The following IQCM variants were observed in gnomAD, a reference collection of about 807,000 sequenced individuals.
IQCM encodes the protein IQ motif containing M.
A neutral mutation model predicts 57.6 loss-of-function variants in IQCM; 45 were observed. The observed-to-expected ratio is 0.78, with a 90% CI of 0.62 to 1.00. The LOEUF (loss-of-function observed/expected upper bound fraction) is 1.00, where lower values mean the gene tolerates loss of function less well. Ranked by LOEUF, IQCM falls within the 50% of genes least tolerant of loss-of-function variation. The pLI is 0.00. For missense variants in IQCM, 468 were observed against 511.6 expected, an observed-to-expected ratio of 0.91 and a Z score of 0.82; for synonymous variants, 148 against 158.9, an observed-to-expected ratio of 0.93 and a Z score of 0.51.
At chr4:149,546,016 T>A (rs1312066196) in intron 12 of IQCM, among the ~76,000 whole-genome samples, 1 of 152,230 alleles carries the variant, frequency 6.6e-6, no homozygotes, top group Non-Finnish European at 1.5e-5. Context: ...CCCCACCCTG[T>A]GTCCAAGTGT....
chr4:149,771,056 T>A (rs1770527443), intron 2 of IQCM, among the ~76,000 whole-genome samples: 1 of 152,070 alleles, frequency 6.6e-6, no homozygotes, highest in Non-Finnish European at 1.5e-5. Flanking sequence ...TCCATCTCTT[T>A]ATATGTCCTA....
At chr4:149,357,163 T>G (rs1046571380) in intron 13 of IQCM, among the ~76,000 whole-genome samples, 1 of 152,190 alleles carries the variant, frequency 6.6e-6, no homozygotes, top group Non-Finnish European at 1.5e-5. Flanking sequence ...AATGGGGTTT[T>G]CTAGATATAC....
At chr4:149,695,128 T>C (rs1010099538) in intron 5 of IQCM, among the ~76,000 whole-genome samples, 4 of 152,202 alleles carry the variant, frequency 2.6e-5, no homozygotes, top group Non-Finnish European at 5.9e-5. Context: ...ATGTGTGTTA[T>C]ATAGAATGCC....
Position 149,549,323 on chromosome 4 carries a change from G to A in IQCM, c.1094-734C>T, listed in dbSNP as rs1287053199. 3.3e-5 allele frequency among the ~76,000 whole-genome samples: 5 copies of A among 152,070 alleles called. No individual in the cohort carries two copies. In the East Asian group the frequency reaches 5.8e-4, roughly 18 times the overall value. On this transcript the variant is annotated intron_variant, in intron 11 of 13. Coordinates refer to ENST00000636793, the MANE Select transcript of IQCM (RefSeq NM_001363507.2). The stretch of plus-strand genomic sequence containing the variant: ...GAGGTCAGGAGATCGAGACCATCCC[G>A]GCTAAAACGGTGAAACCCCGTCTCT...
intron 7 of IQCM, among the ~76,000 whole-genome samples, chr4:149,665,366 C>A (rs1338099352): frequency 1.3e-5 from 2 of 152,120 alleles, no homozygotes; most frequent in African/African-American, 2.4e-5. Context: ...TGGTCTCCAC[C>A]TTACTTTTTC....
chr4:149,585,236 T>C (rs1393526974), intron 9 of IQCM, among the ~76,000 whole-genome samples: 1 of 151,700 alleles, frequency 6.6e-6, no homozygotes, highest in African/African-American at 2.4e-5. Context: ...TGAAGTTGAC[T>C]GATGACTGAT....
At chr4:149,596,839 A>C (rs1362046471) in intron 8 of IQCM, among the ~76,000 whole-genome samples, 1 of 152,172 alleles carries the variant, frequency 6.6e-6, no homozygotes, top group African/African-American at 2.4e-5. Context: ...GCACTGGGTA[A>C]AAGCAATTTT....
At chr4:149,791,856 A>G (rs1772651607) in intron 2 of IQCM, among the ~76,000 whole-genome samples, 1 of 152,208 alleles carries the variant, frequency 6.6e-6, no homozygotes, top group Non-Finnish European at 1.5e-5. Context: ...TATTTAAGCT[A>G]TCACATTGGA....
chr4:149,515,070 A>G (rs1010990586), intron 12 of IQCM, among the ~76,000 whole-genome samples: 29 of 37,150 alleles, frequency 7.8e-4, no homozygotes, highest in African/African-American at 2.5e-3. Flanking sequence ...ATATATATAC[A>G]CGTGTGTGTG....
chr4:149,741,353 ATCTT>A (rs1012344246), intron 3 of IQCM, among the ~76,000 whole-genome samples: 75 of 152,094 alleles, frequency 4.9e-4, no homozygotes, highest in African/African-American at 1.7e-3. Flanking sequence ...CTGCCCAAAA[ATCTT>A]TCTATGTTAA....
At chr4:149,709,445 T>C (rs945384869) in intron 5 of IQCM, among the ~76,000 whole-genome samples, 1 of 152,118 alleles carries the variant, frequency 6.6e-6, no homozygotes, top group Admixed American at 6.6e-5. Context: ...TATACTCTTT[T>C]GAGTCTTTCA....
intron 2 of IQCM, among the ~76,000 whole-genome samples, chr4:149,787,819 A>C: frequency 6.6e-6 from 1 of 152,178 alleles, no homozygotes; most frequent in Middle Eastern, 3.2e-3. Flanking sequence ...CAACAAAATA[A>C]AAAGTAGACA....
At chr4:149,393,550 C>A (rs1732013870) in intron 13 of IQCM, among the ~76,000 whole-genome samples, 1 of 151,318 alleles carries the variant, frequency 6.6e-6, no homozygotes. Flanking sequence ...TTCTCAAATC[C>A]CAAATAAGAT....
At chr4:149,485,284 T>G (rs1343841682) in intron 12 of IQCM, among the ~76,000 whole-genome samples, 2 of 152,048 alleles carry the variant, frequency 1.3e-5, no homozygotes, top group Non-Finnish European at 2.9e-5. Flanking sequence ...TATTATTCCT[T>G]AGAATAAACT....
chr4:149,482,996 T>C (rs1330719097), intron 12 of IQCM, among the ~76,000 whole-genome samples: 1 of 151,892 alleles, frequency 6.6e-6, no homozygotes, highest in Non-Finnish European at 1.5e-5. Flanking sequence ...TCAACCTTGG[T>C]AGGTTGTATG....
chr4:149,503,577 A>C (rs2149795754), intron 12 of IQCM, among the ~76,000 whole-genome samples: 1 of 152,348 alleles, frequency 6.6e-6, no homozygotes, highest in East Asian at 1.9e-4. Flanking sequence ...CTAAAGACTT[A>C]CATTATCTGA....
chr4:149,410,612 C>T (rs1363682601), intron 13 of IQCM, among the ~76,000 whole-genome samples: 1 of 151,772 alleles, frequency 6.6e-6, no homozygotes, highest in Non-Finnish European at 1.5e-5. Flanking sequence ...AGGATATTAA[C>T]AGTAGCATTC....
chr4:149,595,331 T>C (rs1413821111), intron 8 of IQCM, among the ~76,000 whole-genome samples: 1 of 150,030 alleles, frequency 6.7e-6, no homozygotes, highest in African/African-American at 2.5e-5. Context: ...CATCCCTTTA[T>C]TTTTTAAGTA....
At chr4:149,732,262 A>G (rs1766528510) in intron 5 of IQCM, among the ~76,000 whole-genome samples, 1 of 152,120 alleles carries the variant, frequency 6.6e-6, no homozygotes, top group African/African-American at 2.4e-5. Context: ...CTCCCTTCCC[A>G]AAATATATCA....
Sources: gnomAD v4.1 joint callset for allele counts (sites outside exome capture counted in the v4.1 genomes callset) on GRCh38, gnomAD v4.1.1 for gene constraint, MANE v1.5 for transcripts, NCBI Gene and HGNC (gene_info 2026-07-23, HGNC 2026-07-21) for gene names.